Variants in SIDT1 observed in about 807,000 individuals in gnomAD.
The protein encoded by SIDT1 is SID1 transmembrane family, member 1.
Under a neutral mutation model 107.5 loss-of-function variants are expected in SIDT1, and 101 were observed. The observed-to-expected ratio is 0.94, with a 90% CI of 0.80 to 1.11. SIDT1 has a LOEUF of 1.11. SIDT1 is among the 50% of genes least tolerant of loss of function. The probability of loss-of-function intolerance (pLI) is 0.00; values close to 1 mark genes in which losing one functional copy is unlikely to be tolerated. For missense variants in SIDT1, 1,076 were observed against 1,058.2 expected (o/e 1.02, Z -0.23); for synonymous variants, 395 against 398.2 (o/e 0.99, Z 0.10).
chr3:113,616,153 C>G lies in SIDT1; in HGVS notation c.2020C>G (p.Gln674Glu), dbSNP rs1485028671. 6.2e-7 allele frequency: 1 copy of G among 1,613,556 alleles called. No homozygotes were observed. The highest frequency in any genetic ancestry group is 2.2e-5 in the East Asian group (1 of 44,902). Residue 674 changes from glutamine to glutamate, a missense_variant, in exon 20 of 25, where the codon CAG becomes GAG. Transcript: ENST00000264852. ...AMVFYTDCIQ[Q>E]CSRPLYMDRM... ...GGTGTTCTACACAGACTGTATCCAGCAGTGTAGCCGACCTCTATATATGGT... is the reference window on the plus strand; with the variant it reads ...GGTGTTCTACACAGACTGTATCCAGGAGTGTAGCCGACCTCTATATATGGT...
intron 18 of SIDT1, 130 bp from the exon 19 acceptor site, chr3:113,611,956 C>A: frequency 1.6e-6 from 1 of 636,948 alleles, no homozygotes. Context: ...ATGGGAGTTT[C>A]CAGAGGGGGA....
chr3:113,533,166 G>A lies in SIDT1; in HGVS notation c.145G>A (p.Asp49Asn), dbSNP rs749636963. ...PFDAARGADF[D>N]HVYSGVVNLS... ...CGACGCTGCCAGGGGCGCCGATTTC[G>A]ATCATGTCTACAGCGGGGTGGTGAA... Residue 49 changes from aspartate (D) to asparagine (N), a missense_variant, in exon 1 of 25, where the codon GAT becomes AAT. By Grantham distance (23) the Asp-to-Asn change is conservative (BLOSUM62 1). Transcript: ENST00000264852. 31 of 1,578,832 alleles carry A rather than the reference G, an allele frequency of 2.0e-5. 1 individual carries two copies. The South Asian group carries it at 3.4e-4, about 17-fold the overall frequency.
chr3:113,614,815 A>G (rs902449532), intron 19 of SIDT1, among the ~76,000 whole-genome samples: 1 of 152,196 alleles, frequency 6.6e-6, no homozygotes, highest in African/African-American at 2.4e-5. Flanking sequence ...GCAGTGCACA[A>G]AAGTAGACAG....
intron 1 of SIDT1, among the ~76,000 whole-genome samples, chr3:113,540,705 C>T (rs6769995): frequency 0.17 from 26,329 of 152,032 alleles, 3,341 homozygotes; most frequent in African/African-American, 0.36. Flanking sequence ...TTCTGTACCC[C>T]CTTCCCTCTC....
At chr3:113,579,283 TG>T (rs1160102617) in intron 4 of SIDT1, among the ~76,000 whole-genome samples, 1 of 152,202 alleles carries the variant, frequency 6.6e-6, no homozygotes, top group Admixed American at 6.5e-5. Context: ...CAGATAAAGT[TG>T]TTAATACTTT....
chr3:113,533,086 C>G lies in SIDT1; in HGVS notation c.65C>G (p.Pro22Arg). The G allele has an allele frequency of 6.6e-7, 1 of 1,513,294 alleles. No individual in the cohort carries two copies. The highest frequency in any genetic ancestry group is 8.8e-7 in the Non-Finnish European group (1 of 1,130,998). 93.7% of individuals were successfully genotyped at this position (1,513,294 alleles called of 1,614,324 possible). A position where few individuals can be genotyped will look rare whatever the true frequency, so the allele number is the denominator to read the frequency against. Reference protein sequence around the residue: ...ALPWLLLAASPGHPAKSPRQP... With the variant: ...ALPWLLLAASRGHPAKSPRQP... ...CCCTGGCTCCTGCTGGCGGCGTCGC[C>G]CGGGCACCCGGCGAAATCCCCCAGG... Residue 22 changes from proline (P) to arginine (R), a missense_variant, in exon 1 of 25, where the codon CCC (proline) becomes CGC (arginine). Transcript: ENST00000264852.
chr3:113,566,982 A>G (rs1415232286), intron 2 of SIDT1, among the ~76,000 whole-genome samples: 1 of 152,226 alleles, frequency 6.6e-6, no homozygotes, highest in Non-Finnish European at 1.5e-5. Context: ...GAAAAACAAC[A>G]AAGTGCCTGC....
intron 1 of SIDT1, among the ~76,000 whole-genome samples, chr3:113,537,801 G>A (rs761414912): frequency 2.6e-5 from 4 of 151,980 alleles, no homozygotes; most frequent in Admixed American, 1.3e-4. Context: ...TTTTCTTTTC[G>A]AGACATAGTC....
intron 18 of SIDT1, among the ~76,000 whole-genome samples, chr3:113,611,610 C>T (rs932592325): frequency 4.4e-4 from 67 of 152,312 alleles, no homozygotes; most frequent in African/African-American, 1.4e-3. Context: ...CGTGAGCCAC[C>T]GTGCCCGGCC....
rs1943312641 is a variant in SIDT1, at chr3:113,581,250, G to A, written c.664-111G>A. 8 of 853,572 alleles carry A rather than the reference G, an allele frequency of 9.4e-6. No individual in the cohort carries two copies. The Admixed American group carries it at 9.7e-5, about 10-fold the overall frequency. The allele number at this position is 853,572 out of a possible 1,614,324, so 52.9% of individuals were successfully genotyped here. ...AAATTGCCTAGTTTCTGGTTAATAA[G>A]GATCCCCTGCTCTGTGATCCAAGCA... On this transcript the variant is annotated intron_variant, in intron 5 of 24. Coordinates refer to ENST00000264852, the MANE Select transcript of SIDT1 (RefSeq NM_017699.3).
At chr3:113,582,318 C>T (rs1005975539) in intron 6 of SIDT1, among the ~76,000 whole-genome samples, 3 of 151,940 alleles carry the variant, frequency 2.0e-5, no homozygotes, top group African/African-American at 7.3e-5. Context: ...TGATCTGTTC[C>T]CTAGGGTAAG....
rs1946088101 is a variant in SIDT1, at chr3:113,616,160, G to T, written c.2027G>T (p.Ser676Ile). ...VFYTDCIQQCSRPLYMDRMVL... is the reference protein window; with the variant it reads ...VFYTDCIQQCIRPLYMDRMVL... ...TACACAGACTGTATCCAGCAGTGTA[G>T]CCGACCTCTATATATGGTATGTGCA... The change falls in exon 20 of 25, where the codon AGC becomes ATC. Residue 676 changes from serine (S) to isoleucine (I), a missense_variant. Coordinates refer to ENST00000264852, the MANE Select transcript of SIDT1 (RefSeq NM_017699.3). 10 of 1,613,582 alleles carry T rather than the reference G, an allele frequency of 6.2e-6. No homozygotes were observed. The highest frequency in any genetic ancestry group is 5.1e-6 in the Non-Finnish European group (6 of 1,179,518).
chr3:113,619,411 C>T lies in SIDT1; in HGVS notation c.2044-269C>T, dbSNP rs375774036. The stretch of plus-strand genomic sequence containing the variant: ...AGAAATGGGCCCATGGGCCCAGCTC[C>T]ACTAAACACTGGGAAGAAATAGAGT... On this transcript the variant is annotated intron_variant, in intron 20 of 24. Transcript: ENST00000264852. 2.0e-4 allele frequency among the ~76,000 whole-genome samples: 30 copies of T among 152,320 alleles called. No individual in the cohort carries two copies. The East Asian group carries it at 3.1e-3, about 16-fold the overall frequency.
rs538431472 is a variant in SIDT1 at position 113,627,792 on chromosome 3, C to T, written c.*84C>T. ...TACAGTGACCACAGCAAAGTAACCA[C>T]TGCCAGATGCTCCACTCACCCTCTG... On this transcript the variant is annotated 3_prime_UTR_variant, in exon 25 of 25. Coordinates refer to ENST00000264852, the MANE Select transcript of SIDT1 (RefSeq NM_017699.3). 2.4e-6 allele frequency: 3 copies of T among 1,249,306 alleles called. No individual in the cohort carries two copies. In the South Asian group the frequency reaches 3.7e-5, roughly 15 times the overall value. 77.4% of individuals were successfully genotyped at this position (1,249,306 alleles called of 1,614,324 possible).
At chr3:113,561,962 G>A (rs1429951970) in intron 1 of SIDT1, among the ~76,000 whole-genome samples, 1 of 152,176 alleles carries the variant, frequency 6.6e-6, no homozygotes, top group Non-Finnish European at 1.5e-5. Context: ...TTTTAAGCCA[G>A]ACCAAAGTGT....
intron 21 of SIDT1, among the ~76,000 whole-genome samples, chr3:113,620,214 G>GTGTA (rs1175162335): frequency 6.6e-6 from 1 of 151,936 alleles, no homozygotes; most frequent in Non-Finnish European, 1.5e-5. Flanking sequence ...GTGTGTGTGT[G>GTGTA]TGTGTGTGTG....
intron 3 of SIDT1, among the ~76,000 whole-genome samples, chr3:113,568,939 G>A (rs533299033): frequency 8.6e-5 from 13 of 151,888 alleles, no homozygotes; most frequent in Non-Finnish European, 1.8e-4. Context: ...AGCGAGACCA[G>A]CCTGACCAAC....
At chr3:113,533,362 T>C (rs1937696417) in intron 1 of SIDT1, 119 bp downstream of exon 1, 1 of 760,322 alleles carries the variant, frequency 1.3e-6, no homozygotes, top group Non-Finnish European at 1.9e-6. Flanking sequence ...GGGGACTTTC[T>C]TTCCCTTTCT....
intron 9 of SIDT1, among the ~76,000 whole-genome samples, chr3:113,590,673 G>A (rs1353432144): frequency 2.0e-5 from 3 of 152,006 alleles, no homozygotes; most frequent in African/African-American, 7.2e-5. Context: ...CTAGCAATGA[G>A]CAATCCAAAA....
Sources: gnomAD v4.1 joint callset for allele counts (sites outside exome capture counted in the v4.1 genomes callset) on GRCh38, gnomAD v4.1.1 for gene constraint, MANE v1.5 for transcripts, NCBI Gene and HGNC (gene_info 2026-07-23, HGNC 2026-07-21) for gene names.